TRAM2: variants seen among roughly 807,000 people sequenced by gnomAD.
TRAM2 encodes translocating chain-associated membrane protein 2.
In TRAM2, 12 loss-of-function variants were observed where a neutral mutation model predicts 51.0. The ratio of observed to expected loss-of-function variants is 0.24; its 90% CI spans 0.15 to 0.38. The LOEUF (loss-of-function observed/expected upper bound fraction) is 0.38. Ranked by LOEUF, TRAM2 falls within the 10% of genes least tolerant of loss-of-function variation. The pLI is 1.00. For missense variants in TRAM2, 361 were observed against 462.0 expected, an observed-to-expected ratio of 0.78 and a Z score of 2.00; for synonymous variants, 175 against 179.4, an observed-to-expected ratio of 0.98 and a Z score of 0.20.
At chr6:52,568,188 T>A (rs1427390277) in intron 1 of TRAM2, among the ~76,000 whole-genome samples, 2 of 152,168 alleles carry the variant, frequency 1.3e-5, no homozygotes, top group Non-Finnish European at 2.9e-5. Context: ...AGGCCCTCCA[T>A]TGGCACCAGC....
At chr6:52,522,335 T>C (rs1766692801) in intron 2 of TRAM2, among the ~76,000 whole-genome samples, 1 of 152,282 alleles carries the variant, frequency 6.6e-6, no homozygotes. Flanking sequence ...CCACTGTGGC[T>C]GCAGGAGAGG....
intron 1 of TRAM2, among the ~76,000 whole-genome samples, chr6:52,570,894 A>G (rs1386479250): frequency 1.3e-5 from 2 of 151,220 alleles, no homozygotes; most frequent in African/African-American, 4.9e-5. Context: ...TAAACCACAC[A>G]GTTAACTCAC....
At chr6:52,503,914 C>G (rs761342144) in intron 10 of TRAM2, among the ~76,000 whole-genome samples, 2 of 152,218 alleles carry the variant, frequency 1.3e-5, no homozygotes, top group African/African-American at 2.4e-5. Flanking sequence ...CAGCTGCGCG[C>G]GTGTCTGGTT....
intron 1 of TRAM2, among the ~76,000 whole-genome samples, chr6:52,558,514 A>G (rs1413786496): frequency 2.6e-5 from 4 of 152,232 alleles, no homozygotes; most frequent in African/African-American, 9.6e-5. Context: ...ACTTAACGGC[A>G]CACTTAAAAA....
intron 1 of TRAM2, among the ~76,000 whole-genome samples, chr6:52,538,447 G>A (rs1294668825): frequency 1.3e-5 from 2 of 152,124 alleles, no homozygotes; most frequent in Non-Finnish European, 2.9e-5. Flanking sequence ...GCAGGAGCTG[G>A]GCCAACCGGA....
At chr6:52,536,903 A>T (rs985909461) in intron 1 of TRAM2, among the ~76,000 whole-genome samples, 3 of 152,130 alleles carry the variant, frequency 2.0e-5, no homozygotes, top group African/African-American at 7.2e-5. Flanking sequence ...TCTCTAACAG[A>T]GGTTTGAAGG....
chr6:52,505,445 A>C (rs971481824), intron 9 of TRAM2, among the ~76,000 whole-genome samples, 154 bp downstream of exon 9: 1 of 152,258 alleles, frequency 6.6e-6, no homozygotes, highest in Admixed American at 6.5e-5. Flanking sequence ...AGAGGCTGCT[A>C]TCTCTTCTCC....
At chr6:52,530,511 T>G (rs988676486) in intron 2 of TRAM2, among the ~76,000 whole-genome samples, 1 of 152,132 alleles carries the variant, frequency 6.6e-6, no homozygotes, top group Non-Finnish European at 1.5e-5. Context: ...TCTGCAGATG[T>G]AGTTAGTTAA....
chr6:52,541,469 T>C (rs986909813), intron 1 of TRAM2, among the ~76,000 whole-genome samples: 2 of 152,246 alleles, frequency 1.3e-5, no homozygotes, highest in Non-Finnish European at 2.9e-5. Flanking sequence ...CTGATTCTAC[T>C]TACTTTCCAA....
At chr6:52,574,643 A>G (rs117587561) in intron 1 of TRAM2, among the ~76,000 whole-genome samples, 1,763 of 152,326 alleles carry the variant, frequency 0.012, 49 homozygotes, top group East Asian at 0.056. Flanking sequence ...ACACTCCCCA[A>G]TACAAGCCTA....
Position 52,508,239 on chromosome 6 carries a change from G to T in TRAM2, c.550C>A (p.Arg184=). Residue 184 remains arginine (R), a synonymous_variant, in exon 6 of 11, where the codon CGG becomes AGG. Transcript: ENST00000182527. The part of the protein sequence containing the change: ...ALPELYFQKV[R]KEEIPRQLQY... ...GGAGAGAAGTGAGCACTCACCTTCC[G>T]TACCTTCTGGAAGTATAGCTCAGGA... 1 of 1,613,978 alleles carries T rather than the reference G, an allele frequency of 6.2e-7. No individual in the cohort carries two copies. Among genetic ancestry groups the T allele is most frequent in the South Asian group, 1.1e-5 (1 of 91,050 alleles).
intron 1 of TRAM2, among the ~76,000 whole-genome samples, chr6:52,573,476 G>C (rs1767713687): frequency 6.6e-6 from 1 of 152,184 alleles, no homozygotes; most frequent in South Asian, 2.1e-4. Flanking sequence ...ACATTTTTTA[G>C]CCAAGTGCTG....
At chr6:52,536,938 A>G (rs753515724) in intron 1 of TRAM2, among the ~76,000 whole-genome samples, 1 of 152,186 alleles carries the variant, frequency 6.6e-6, no homozygotes, top group Non-Finnish European at 1.5e-5. Flanking sequence ...GATAGGGTGG[A>G]GGACAAACAC....
At position 52,505,750 on chromosome 6, in the gene TRAM2, C is replaced by G. The variant is rs1406842789; in HGVS notation, c.732-8G>C. 1.9e-6 allele frequency: 3 copies of G among 1,600,670 alleles called. No homozygotes were observed. The highest frequency in any genetic ancestry group is 4.5e-5 in the East Asian group (2 of 44,634). ...GCAGCCCAGGCACTGAACCTGCTCACAGAGGCAGAAGAGGGATGTCAGTCT... is the reference window on the plus strand; with the variant it reads ...GCAGCCCAGGCACTGAACCTGCTCAGAGAGGCAGAAGAGGGATGTCAGTCT... On this transcript the variant is annotated splice_region_variant and splice_polypyrimidine_tract_variant and intron_variant, in intron 8 of 10. Transcript: ENST00000182527.
In TRAM2 at chr6:52,549,717, G is replaced by A. The variant is rs1169646675; in HGVS notation, c.121-13871C>T. 2.0e-5 allele frequency among the ~76,000 whole-genome samples: 3 copies of A among 152,152 alleles called. No individual in the cohort carries two copies. In the South Asian group the frequency reaches 6.2e-4, roughly 32 times the overall value. ...GGTGCAAATCACTGGGGCAAGAGAA[G>A]GAAATGGGTTTAAGTGGTGCTTGAG... On this transcript the variant is annotated intron_variant, in intron 1 of 10. Transcript: ENST00000182527.
chr6:52,500,995 G>A lies in TRAM2; in HGVS notation c.*2202C>T, dbSNP rs11554808. The A allele has an allele frequency of 0.16, 23,784 of 152,208 alleles. 2,429 individuals carry two copies. The highest frequency in any genetic ancestry group is 0.22 in the Non-Finnish European group (15,062 of 68,030). 9.4% of individuals were successfully genotyped at this position (152,208 alleles called of 1,614,324 possible). A position where few individuals can be genotyped will look rare whatever the true frequency, so the allele number is the denominator to read the frequency against. On this transcript the variant is annotated 3_prime_UTR_variant, in exon 11 of 11. Transcript: ENST00000182527. Reference sequence around the variant, plus strand: ...AGGAAGGTGGGCTTAGGAGGCTGCTGGCTGAACATGCGATTTGCAGTTATT... The same window carrying A: ...AGGAAGGTGGGCTTAGGAGGCTGCTAGCTGAACATGCGATTTGCAGTTATT...
intron 10 of TRAM2, 140 bp downstream of exon 10, chr6:52,504,451 G>A (rs1404935843): frequency 3.5e-6 from 5 of 1,439,520 alleles, no homozygotes; most frequent in Non-Finnish European, 4.6e-6. Flanking sequence ...AGGAGCCCCA[G>A]CCCTGAGGTA....
intron 2 of TRAM2, chr6:52,524,430 G>A (rs1766734647): frequency 6.6e-6 from 1 of 150,978 alleles, no homozygotes; most frequent in Admixed American, 6.6e-5. Context: ...GGGTACACAA[G>A]ACACAACAGG....
intron 2 of TRAM2, among the ~76,000 whole-genome samples, chr6:52,518,914 T>A (rs1001633447): frequency 2.0e-5 from 3 of 152,110 alleles, no homozygotes; most frequent in African/African-American, 7.2e-5. Context: ...ACAAGCACAG[T>A]CCAAAAATCA....
Sources: allele counts gnomAD v4.1 joint callset (sites outside exome capture counted in the v4.1 genomes callset), GRCh38; gene constraint gnomAD v4.1.1; transcripts MANE v1.5; gene names NCBI Gene and HGNC (gene_info 2026-07-23, HGNC 2026-07-21).